The following CNTN5 variants were observed in gnomAD, a reference collection of about 807,000 sequenced individuals.
CNTN5 encodes contactin-5.
A neutral mutation model predicts 129.1 loss-of-function variants in CNTN5; 77 were observed. The observed-to-expected ratio is 0.60, with a 90% confidence interval of 0.50 to 0.72. The LOEUF is 0.72. CNTN5 is among the 30% of genes least tolerant of loss of function. The probability of loss-of-function intolerance (pLI) is 0.00; values close to 1 mark genes in which losing one functional copy is unlikely to be tolerated. For missense variants in CNTN5, 1,478 were observed against 1,328.8 expected (o/e 1.11, Z -1.75); for synonymous variants, 509 against 465.6 (o/e 1.09, Z -1.20).
chr11:100,101,993 T>C (rs1455941976), intron 13 of CNTN5, among the ~76,000 whole-genome samples: 1 of 152,170 alleles, frequency 6.6e-6, no homozygotes, highest in Non-Finnish European at 1.5e-5. Context: ...AGCACTTACA[T>C]TGGTTCCATA....
At chr11:99,880,648 A>G (rs1023451511) in intron 6 of CNTN5, among the ~76,000 whole-genome samples, 3 of 152,208 alleles carry the variant, frequency 2.0e-5, no homozygotes, top group Admixed American at 1.3e-4. Context: ...GTAGACACCA[A>G]CATTTTCTGT....
At chr11:99,023,011 T>A (rs549015257) in intron 1 of CNTN5, among the ~76,000 whole-genome samples, 37 of 152,314 alleles carry the variant, frequency 2.4e-4, no homozygotes, top group Non-Finnish European at 4.4e-4. Context: ...CCGGACTTTG[T>A]CTATAAGTTG....
intron 13 of CNTN5, among the ~76,000 whole-genome samples, chr11:100,116,032 C>T (rs1275641512): frequency 1.3e-5 from 2 of 152,094 alleles, no homozygotes; most frequent in East Asian, 3.9e-4. Flanking sequence ...TGGAGAAGAA[C>T]CACCTCTTCC....
chr11:99,745,093 A>T (rs1944011789), intron 3 of CNTN5, among the ~76,000 whole-genome samples: 1 of 152,180 alleles, frequency 6.6e-6, no homozygotes, highest in Admixed American at 6.5e-5. Flanking sequence ...AATTTCCTCC[A>T]TTAAGCGTTT....
Position 99,599,093 on chromosome 11 carries a change from T to C in CNTN5, c.55+42824T>C, listed in dbSNP as rs1290642747. 5.3e-5 allele frequency among the ~76,000 whole-genome samples: 8 copies of C among 152,232 alleles called. 1 individual carries two copies. In the East Asian group the frequency reaches 9.7e-4, roughly 18 times the overall value. On this transcript the variant is annotated intron_variant, in intron 3 of 24. Coordinates refer to ENST00000524871, the MANE Select transcript of CNTN5 (RefSeq NM_014361.4). ...TGAAATAATGTAGATACATGGTTAA[T>C]TGATTTTAAAGCAGTGAAATATTGT...
intron 1 of CNTN5, among the ~76,000 whole-genome samples, chr11:99,062,277 G>A (rs1001839646): frequency 4.6e-5 from 7 of 152,126 alleles, no homozygotes; most frequent in African/African-American, 1.7e-4. Flanking sequence ...TCTAATGAAA[G>A]AAATCCAAAA....
chr11:99,123,807 C>A (rs1858480105), intron 1 of CNTN5, among the ~76,000 whole-genome samples: 2 of 152,048 alleles, frequency 1.3e-5, no homozygotes, highest in African/African-American at 4.8e-5. Context: ...ATAGGGAGTT[C>A]TTTCTCTATT....
At chr11:100,164,998 C>G (rs1362228590) in intron 13 of CNTN5, among the ~76,000 whole-genome samples, 3 of 151,686 alleles carry the variant, frequency 2.0e-5, no homozygotes, top group African/African-American at 7.3e-5. Context: ...AGTCCACAGT[C>G]AATCTCAGGT....
intron 3 of CNTN5, among the ~76,000 whole-genome samples, chr11:99,674,843 T>C (rs999251337): frequency 3.3e-5 from 5 of 151,874 alleles, no homozygotes; most frequent in Non-Finnish European, 5.9e-5. Context: ...AACCAATGAA[T>C]TCTGTTTCCA....
At chr11:99,553,989 C>CACAT (rs1948585429) in intron 2 of CNTN5, among the ~76,000 whole-genome samples, 1 of 135,786 alleles carries the variant, frequency 7.4e-6, no homozygotes, top group African/African-American at 2.9e-5. Context: ...CACACACACA[C>CACAT]ACACACATAC....
intron 1 of CNTN5, among the ~76,000 whole-genome samples, chr11:99,224,114 T>G (rs1232720205): frequency 1.3e-5 from 2 of 152,124 alleles, no homozygotes; most frequent in African/African-American, 4.8e-5. Context: ...ATGCAATAAA[T>G]GCCCGATAGA....
chr11:99,929,260 C>A (rs1395069390), intron 7 of CNTN5, among the ~76,000 whole-genome samples: 2 of 152,200 alleles, frequency 1.3e-5, no homozygotes, highest in Non-Finnish European at 2.9e-5. Flanking sequence ...ATCTTTCTGT[C>A]TTCTGAGCCC....
intron 3 of CNTN5, among the ~76,000 whole-genome samples, chr11:99,676,352 T>C (rs1953282647): frequency 6.6e-6 from 1 of 152,180 alleles, no homozygotes; most frequent in Admixed American, 6.5e-5. Context: ...AGTGGAGCAA[T>C]AGAGAAGGTA....
At chr11:99,044,446 G>A (rs1011743303) in intron 1 of CNTN5, among the ~76,000 whole-genome samples, 3 of 152,196 alleles carry the variant, frequency 2.0e-5, no homozygotes, top group Admixed American at 6.5e-5. Flanking sequence ...AAAGGGCTTT[G>A]TGCACAAAAA....
At chr11:100,200,088 A>G (rs1320137108) in intron 15 of CNTN5, among the ~76,000 whole-genome samples, 1 of 151,960 alleles carries the variant, frequency 6.6e-6, no homozygotes. Context: ...ATATCACGTT[A>G]GCACAGTTTG....
At chr11:100,309,477 C>T in intron 21 of CNTN5, 1 of 967,372 alleles carries the variant, frequency 1.0e-6, no homozygotes, top group Non-Finnish European at 1.2e-6. Context: ...GAAACCATTA[C>T]CTACTTATAC....
intron 23 of CNTN5, among the ~76,000 whole-genome samples, chr11:100,348,209 T>C (rs1952330280): frequency 1.4e-5 from 2 of 146,632 alleles, no homozygotes; most frequent in Admixed American, 1.4e-4. Context: ...TTTTTTTCTA[T>C]GTCTTGATAA....
chr11:99,960,139 A>G (rs1260682606), intron 8 of CNTN5, among the ~76,000 whole-genome samples: 1 of 152,206 alleles, frequency 6.6e-6, no homozygotes, highest in Non-Finnish European at 1.5e-5. Context: ...AGCTTAAACA[A>G]TAACTGTTTA....
chr11:100,010,947 A>G (rs187289822), intron 9 of CNTN5, among the ~76,000 whole-genome samples: 1 of 152,114 alleles, frequency 6.6e-6, no homozygotes, highest in African/African-American at 2.4e-5. Context: ...ACATTTCACT[A>G]TTTAGCCTGC....
Sources: gnomAD v4.1 joint callset for allele counts (sites outside exome capture counted in the v4.1 genomes callset) on GRCh38, gnomAD v4.1.1 for gene constraint, MANE v1.5 for transcripts, NCBI Gene and HGNC (gene_info 2026-07-23, HGNC 2026-07-21) for gene names.